FIBCD1: variants seen among roughly 807,000 people sequenced by gnomAD.
FIBCD1 encodes fibrinogen C domain-containing protein 1.
FIBCD1 carries 47 observed loss-of-function variants against 45.1 expected under a neutral mutation model. The ratio of observed to expected loss-of-function variants is 1.04; its 90% CI spans 0.82 to 1.33. The LOEUF is 1.33. Ranked by LOEUF, FIBCD1 falls within the 40% of genes most tolerant of loss-of-function variation. The pLI is 0.00. For missense variants in FIBCD1, 653 were observed against 682.2 expected (o/e 0.96, Z 0.48); for synonymous variants, 313 against 308.1 (o/e 1.02, Z -0.17).
chr9:130,917,077 A>C (rs1394122977), intron 4 of FIBCD1, among the ~76,000 whole-genome samples: 1 of 151,998 alleles, frequency 6.6e-6, no homozygotes, highest in Non-Finnish European at 1.5e-5. Context: ...CAGCCTGGGC[A>C]ACAGAGTGAG....
intron 1 of FIBCD1, among the ~76,000 whole-genome samples, chr9:130,936,680 G>A (rs1315703270): frequency 6.6e-6 from 1 of 152,264 alleles, no homozygotes; most frequent in Non-Finnish European, 1.5e-5. Flanking sequence ...GCTCTTCCTG[G>A]CCGAAGCGTC....
At chr9:130,910,198 C>T (rs958533008) in intron 5 of FIBCD1, among the ~76,000 whole-genome samples, 2 of 152,026 alleles carry the variant, frequency 1.3e-5, no homozygotes, top group Admixed American at 6.5e-5. Context: ...ATGGGCTTGG[C>T]GGGCCCCACA....
Position 130,915,381 on chromosome 9 carries a change from G to T in FIBCD1, c.850-3493C>A, listed in dbSNP as rs112018442. Among the ~76,000 whole-genome samples the T allele has an allele frequency of 3.0e-3, 456 of 152,314 alleles. 2 individuals carry two copies. Among genetic ancestry groups the T allele is most frequent in the South Asian group, 6.4e-3 (31 of 4,820 alleles). ...CACATACGGCCGGCACTCCTGTCCAGGTAGCCCGAATCAACGCCCACTTAG... is the reference window on the plus strand; with the variant it reads ...CACATACGGCCGGCACTCCTGTCCATGTAGCCCGAATCAACGCCCACTTAG... On this transcript the variant is annotated intron_variant, in intron 4 of 6. Transcript: ENST00000372338.
At chr9:130,908,174 A>C (rs756925001) in intron 5 of FIBCD1, among the ~76,000 whole-genome samples, 1 of 152,044 alleles carries the variant, frequency 6.6e-6, no homozygotes, top group Non-Finnish European at 1.5e-5. Context: ...TAACCTTAAT[A>C]TATAGAGAGC....
intron 1 of FIBCD1, chr9:130,938,315 G>A: frequency 2.3e-6 from 1 of 427,444 alleles, no homozygotes; most frequent in Non-Finnish European, 4.2e-6. Flanking sequence ...CTGGCCCGCA[G>A]CGCGCGTGGC....
chr9:130,929,477 G>C (rs1450769529), intron 2 of FIBCD1, 90 bp downstream of exon 2: 1 of 1,433,764 alleles, frequency 7.0e-7, no homozygotes, highest in Non-Finnish European at 9.2e-7. Flanking sequence ...GATTAAGTGA[G>C]GCCATGGACA....
At chr9:130,939,569 G>A (rs1260102891), upstream of FIBCD1, among the ~76,000 whole-genome samples, 1 of 152,010 alleles carries the variant, frequency 6.6e-6, no homozygotes, top group Non-Finnish European at 1.5e-5. Context: ...CCTTGCCCGG[G>A]CGGCCCGTGG....
intron 3 of FIBCD1, 126 bp downstream of exon 3, chr9:130,924,111 C>T (rs992341543): frequency 6.3e-5 from 84 of 1,341,412 alleles, no homozygotes; most frequent in Admixed American, 2.8e-4. Context: ...AGGGCTTCAG[C>T]GCAGGCCACA....
intron 1 of FIBCD1, chr9:130,934,019 C>T (rs73559708): frequency 0.045 from 6,877 of 152,392 alleles, 168 homozygotes; most frequent in African/African-American, 0.06. Context: ...TGGGGCTTTG[C>T]ACTGGGAAAT....
At chr9:130,936,493 TTCC>T (rs1471171959) in intron 1 of FIBCD1, 1 of 152,268 alleles carries the variant, frequency 6.6e-6, no homozygotes, top group Non-Finnish European at 1.5e-5. Context: ...GCCCTCGAGC[TTCC>T]TCCAATGCCA....
chr9:130,917,803 CTG>C (rs1194222169), intron 4 of FIBCD1, among the ~76,000 whole-genome samples: 2 of 152,214 alleles, frequency 1.3e-5, no homozygotes, highest in African/African-American at 4.8e-5. Context: ...GATGAGAAGA[CTG>C]AGGCTTGGAG....
chr9:130,919,644 T>G (rs554432735), intron 4 of FIBCD1, among the ~76,000 whole-genome samples: 43 of 152,208 alleles, frequency 2.8e-4, no homozygotes, highest in African/African-American at 1.0e-3. Context: ...TGGGGGCTCC[T>G]TTCCAGGGGA....
Position 130,938,699 on chromosome 9 carries a change from G to C in FIBCD1, c.-92C>G, listed in dbSNP as rs1377554486. 42 of 814,308 alleles carry C rather than the reference G, an allele frequency of 5.2e-5. No homozygotes were observed. Among genetic ancestry groups the C allele is most frequent in the Non-Finnish European group, 6.6e-5 (42 of 634,974 alleles). The allele number at this position is 814,308 out of a possible 1,614,324, so 50.4% of individuals were successfully genotyped here. On this transcript the variant is annotated 5_prime_UTR_variant, in exon 1 of 7. Transcript: ENST00000372338. ...GGGCGCGGGCGCGGGCGCGGGGCGC[G>C]CTCTGTCCGCCGGGTCCCCGCCTCT...
intron 1 of FIBCD1, among the ~76,000 whole-genome samples, chr9:130,933,183 C>T (rs903238510): frequency 1.3e-5 from 2 of 152,228 alleles, no homozygotes; most frequent in Non-Finnish European, 1.5e-5. Context: ...GAGAATTAGT[C>T]TTCAGAGATC....
At chr9:130,907,582 G>A (rs953317713) in intron 5 of FIBCD1, among the ~76,000 whole-genome samples, 3 of 152,192 alleles carry the variant, frequency 2.0e-5, no homozygotes, top group Admixed American at 6.5e-5. Flanking sequence ...GACTAAAGCT[G>A]TCAACCTAAA....
rs1832284630 is a variant in FIBCD1 at position 130,922,794 on chromosome 9, CA to C, written c.849+949del. 1.3e-5 allele frequency among the ~76,000 whole-genome samples: 2 copies of C among 152,128 alleles called. No homozygotes were observed. The highest frequency in any genetic ancestry group is 2.9e-5 in the Non-Finnish European group (2 of 68,016). On this transcript the variant is annotated intron_variant, in intron 4 of 6. Transcript: ENST00000372338. The surrounding 1 kb of genome is among the most constrained non-coding windows in gnomAD (Gnocchi z 4.5). ...ACTCCAGCCTCATCTCATCACGCACCACAAATCCCTCGGGCCCTGCTCCTCA... is the reference window on the plus strand; with the variant it reads ...ACTCCAGCCTCATCTCATCACGCACCCAAATCCCTCGGGCCCTGCTCCTCA...
intron 4 of FIBCD1, among the ~76,000 whole-genome samples, chr9:130,921,242 G>A (rs1389362333): frequency 5.9e-5 from 9 of 152,258 alleles, no homozygotes; most frequent in Admixed American, 3.9e-4. Context: ...TGGCATTGGC[G>A]CTGAAGGCCT....
At chr9:130,939,715 TCTC>T (rs1361541486), upstream of FIBCD1, among the ~76,000 whole-genome samples, 4 of 151,614 alleles carry the variant, frequency 2.6e-5, no homozygotes, top group Admixed American at 6.6e-5. Context: ...GCCCCCGCCT[TCTC>T]CTCCGCCGGG....
chr9:130,912,030 T>G, intron 4 of FIBCD1, 142 bp from the exon 5 acceptor site: 1 of 670,192 alleles, frequency 1.5e-6, no homozygotes, highest in Non-Finnish European at 2.5e-6. Flanking sequence ...GTTGCCCACT[T>G]CCCGCAACGG....
Sources: allele counts gnomAD v4.1 joint callset (sites outside exome capture counted in the v4.1 genomes callset), GRCh38; gene constraint gnomAD v4.1.1; non-coding constraint Gnocchi (gnomAD v3.1); transcripts MANE v1.5; gene names NCBI Gene and HGNC (gene_info 2026-07-23, HGNC 2026-07-21).